The following FARSB variants were observed in gnomAD, a reference collection of about 807,000 sequenced individuals.
FARSB encodes phenylalanyl-tRNA synthetase subunit beta.
FARSB carries 40 observed loss-of-function variants against 69.6 expected under a neutral mutation model. The observed-to-expected ratio is 0.57, with a 90% CI of 0.45 to 0.75. FARSB has a LOEUF of 0.75. Ranked by LOEUF, FARSB falls within the 30% of genes least tolerant of loss-of-function variation. FARSB has a pLI of 0.00. For synonymous variants in FARSB, 235 were observed against 247.2 expected, an observed-to-expected ratio of 0.95 and a Z score of 0.46; for missense variants, 632 against 722.9, an observed-to-expected ratio of 0.87 and a Z score of 1.44.
At chr2:222,653,189 G>A (rs1207824935) in intron 1 of FARSB, among the ~76,000 whole-genome samples, 1 of 152,194 alleles carries the variant, frequency 6.6e-6, no homozygotes, top group Non-Finnish European at 1.5e-5. Flanking sequence ...TGAAAAGGTA[G>A]ACTAAGGAGA....
In FARSB at chr2:222,635,070, G is replaced by A. The variant is rs528766895; in HGVS notation, c.456-529C>T. On this transcript the variant is annotated intron_variant, in intron 5 of 16. Transcript: ENST00000281828. ...AATTACAGTTCAAGTTTACTTTAAT[G>A]TATAAGGAAAGTTCAAAAGGTATTC... is the stretch of plus-strand genomic sequence containing the variant. Among the ~76,000 whole-genome samples the A allele has an allele frequency of 3.4e-4, 51 of 152,236 alleles. 1 individual carries two copies. The highest frequency in any genetic ancestry group is 1.2e-3 in the African/African-American group (51 of 41,534).
rs1689647374 is a variant in FARSB at position 222,567,086 on chromosome 2, T to C, written c.*4785A>G. 6.6e-6 allele frequency: 1 copy of C among 152,226 alleles called. No homozygotes were observed. Among genetic ancestry groups the C allele is most frequent in the Admixed American group, 6.5e-5 (1 of 15,280 alleles). The allele number at this position is 152,226 out of a possible 1,614,324, so 9.4% of individuals were successfully genotyped here. On this transcript the variant is annotated 3_prime_UTR_variant, in exon 17 of 17. Coordinates refer to ENST00000281828, the MANE Select transcript of FARSB (RefSeq NM_005687.5). ...AGGCAGAGAAACAGAGCAAGCTCTC[T>C]GGTGTTTCTTCTTATCAGGCCACTG...
rs558325534 is a variant in FARSB at position 222,567,430 on chromosome 2, G to A, written c.*4441C>T. 2 of 152,266 alleles carry A rather than the reference G, an allele frequency of 1.3e-5. No homozygotes were observed. Among genetic ancestry groups the A allele is most frequent in the African/African-American group, 4.8e-5 (2 of 41,532 alleles). The allele number at this position is 152,266 out of a possible 1,614,324, so 9.4% of individuals were successfully genotyped here. A position where few individuals can be genotyped will look rare whatever the true frequency, so the allele number is the denominator to read the frequency against. On this transcript the variant is annotated 3_prime_UTR_variant, in exon 17 of 17. Transcript: ENST00000281828. Reference sequence around the variant, plus strand: ...GCCAAAGTAAATACTCAAGTATTAGGGTTAGTGATGTTATATAAAACACCA... The same window carrying A: ...GCCAAAGTAAATACTCAAGTATTAGAGTTAGTGATGTTATATAAAACACCA...
At chr2:222,638,652 G>A (rs1362985617) in intron 5 of FARSB, among the ~76,000 whole-genome samples, 6 of 152,152 alleles carry the variant, frequency 3.9e-5, no homozygotes, top group South Asian at 2.1e-4. Context: ...AAATGTCTAC[G>A]GTTCTCCCTC....
chr2:222,597,935 T>C (rs147258459), intron 16 of FARSB, among the ~76,000 whole-genome samples: 1 of 152,326 alleles, frequency 6.6e-6, no homozygotes, highest in Admixed American at 6.5e-5. Flanking sequence ...GCTGCAGCCT[T>C]TCCCTAGCAT....
intron 16 of FARSB, among the ~76,000 whole-genome samples, chr2:222,591,841 C>T (rs189294094): frequency 1.4e-3 from 219 of 152,200 alleles, no homozygotes; most frequent in Non-Finnish European, 1.3e-3. Context: ...CAGTAATAAC[C>T]TTAAAGGCAA....
intron 3 of FARSB, among the ~76,000 whole-genome samples, chr2:222,641,753 C>T (rs913793411): frequency 6.6e-6 from 1 of 152,154 alleles, no homozygotes; most frequent in African/African-American, 2.4e-5. Context: ...AAAATAAAAG[C>T]ATCTGATTGT....
In FARSB at chr2:222,571,747, C is replaced by T; in HGVS notation, c.*124G>A. 2 of 797,644 alleles carry T rather than the reference C, an allele frequency of 2.5e-6. No individual in the cohort carries two copies. The highest frequency in any genetic ancestry group is 1.9e-5 in the South Asian group (1 of 53,222). The allele number at this position is 797,644 out of a possible 1,614,324, so 49.4% of individuals were successfully genotyped here. ...GATGGTCTCTACCCACACAGCCAGACAGTGCTTTCTACTTTATTAAACATC... is the reference window on the plus strand; with the variant it reads ...GATGGTCTCTACCCACACAGCCAGATAGTGCTTTCTACTTTATTAAACATC... On this transcript the variant is annotated 3_prime_UTR_variant, in exon 17 of 17. Transcript: ENST00000281828.
Position 222,624,382 on chromosome 2 carries a change from T to G in FARSB, c.1060A>C (p.Thr354Pro). 1 of 1,608,376 alleles carries G rather than the reference T, an allele frequency of 6.2e-7. No individual in the cohort carries two copies. Among genetic ancestry groups the G allele is most frequent in the Non-Finnish European group, 8.5e-7 (1 of 1,174,856 alleles). The change falls in exon 12 of 17, where the codon ACC becomes CCC. Residue 354 changes from threonine (T) to proline (P), a missense_variant. By Grantham distance (38) the Thr-to-Pro change is conservative. Coordinates refer to ENST00000281828, the MANE Select transcript of FARSB (RefSeq NM_005687.5). Reference sequence around the variant, plus strand: ...CATGCATGGATAATGTCAGCTCTGGTTGGAGGGATTTCAATCTCAATCTGA... The same window carrying G: ...CATGCATGGATAATGTCAGCTCTGGGTGGAGGGATTTCAATCTCAATCTGA... Reference protein sequence around the residue: ...GNQIEIEIPPTRADIIHACDI... With the variant: ...GNQIEIEIPPPRADIIHACDI...
At chr2:222,653,000 C>T (rs996993262) in intron 1 of FARSB, among the ~76,000 whole-genome samples, 1 of 152,214 alleles carries the variant, frequency 6.6e-6, no homozygotes, top group Non-Finnish European at 1.5e-5. Flanking sequence ...TTTCCTCTAA[C>T]GAAATGACAC....
chr2:222,630,309 T>C, intron 8 of FARSB, 135 bp from the exon 9 acceptor site: 2 of 528,138 alleles, frequency 3.8e-6, no homozygotes, highest in African/African-American at 4.1e-5. Flanking sequence ...AGAAAGGAAG[T>C]GGAATAAAAA....
chr2:222,629,561 C>A (rs1323482036), intron 9 of FARSB, among the ~76,000 whole-genome samples: 1 of 152,144 alleles, frequency 6.6e-6, no homozygotes, highest in Non-Finnish European at 1.5e-5. Context: ...CTCCATGAAG[C>A]CTTCTCAGAT....
chr2:222,569,897 C>T lies in FARSB; in HGVS notation c.*1974G>A, dbSNP rs369115428. ...TGAACACTTGCATAAAAATCTTTGGCCATATGGGTAAACCTAGGAATAGAA... is the reference window on the plus strand; with the variant it reads ...TGAACACTTGCATAAAAATCTTTGGTCATATGGGTAAACCTAGGAATAGAA... On this transcript the variant is annotated 3_prime_UTR_variant, in exon 17 of 17. Coordinates refer to ENST00000281828, the MANE Select transcript of FARSB (RefSeq NM_005687.5). 6.6e-6 allele frequency among the ~76,000 whole-genome samples: 1 copy of T among 152,062 alleles called. No individual in the cohort carries two copies. The highest frequency in any genetic ancestry group is 2.4e-5 in the African/African-American group (1 of 41,402).
chr2:222,640,468 C>A (rs1574950435), intron 4 of FARSB, among the ~76,000 whole-genome samples: 1 of 150,642 alleles, frequency 6.6e-6, no homozygotes, highest in East Asian at 1.9e-4. Flanking sequence ...CTAAAAAATA[C>A]AAAAAATTAG....
intron 15 of FARSB, among the ~76,000 whole-genome samples, chr2:222,602,891 C>T (rs1690600233): frequency 6.6e-6 from 1 of 151,720 alleles, no homozygotes; most frequent in Admixed American, 6.6e-5. Context: ...ATGTTTTGTG[C>T]TATTATAACA....
chr2:222,628,964 A>G, intron 9 of FARSB, 76 bp from the exon 10 acceptor site: 1 of 1,028,990 alleles, frequency 9.7e-7, no homozygotes, highest in Non-Finnish European at 1.5e-6. Context: ...ATGGTTATCA[A>G]ATCTTTCATT....
chr2:222,616,922 T>C (rs1236007526), intron 14 of FARSB, among the ~76,000 whole-genome samples: 1 of 152,170 alleles, frequency 6.6e-6, no homozygotes, highest in Non-Finnish European at 1.5e-5. Context: ...ATATAGAATC[T>C]GTTAGGTCAA....
intron 3 of FARSB, among the ~76,000 whole-genome samples, chr2:222,642,068 C>T (rs1340737521): frequency 6.7e-6 from 1 of 149,292 alleles, no homozygotes; most frequent in Non-Finnish European, 1.5e-5. Flanking sequence ...TGGTGCAAAT[C>T]TCGACTCACT....
rs187579379 is a variant in FARSB at position 222,630,090 on chromosome 2, A to G, written c.848+23T>C. On this transcript the variant is annotated intron_variant, in intron 9 of 16. Coordinates refer to ENST00000281828, the MANE Select transcript of FARSB (RefSeq NM_005687.5). ...TCGCCTTCAGAACAATGGGCCATCA[A>G]TAAAGGTGCTGGATGAACTTACGTA... 4.1e-6 allele frequency: 6 copies of G among 1,448,086 alleles called. No homozygotes were observed. The East Asian group carries it at 9.5e-5, about 23-fold the overall frequency. 89.7% of individuals were successfully genotyped at this position (1,448,086 alleles called of 1,614,324 possible).
Sources: allele counts gnomAD v4.1 joint callset (sites outside exome capture counted in the v4.1 genomes callset), GRCh38; gene constraint gnomAD v4.1.1; transcripts MANE v1.5; gene names NCBI Gene and HGNC (gene_info 2026-07-23, HGNC 2026-07-21).